Variants in ADCY2 observed in about 807,000 individuals in gnomAD.
ADCY2 encodes adenylate cyclase type 2.
A neutral mutation model predicts 125.2 loss-of-function variants in ADCY2; 31 were observed. That is an observed-to-expected ratio of 0.25 (90% CI 0.19 to 0.33). The LOEUF (loss-of-function observed/expected upper bound fraction) is 0.33. Ranked by LOEUF, ADCY2 falls within the 10% of genes least tolerant of loss-of-function variation. The probability of loss-of-function intolerance (pLI) is 1.00; values close to 1 mark genes in which losing one functional copy is unlikely to be tolerated. For missense variants in ADCY2, 904 were observed against 1,418.2 expected, an observed-to-expected ratio of 0.64 and a Z score of 5.82; for synonymous variants, 512 against 548.4, an observed-to-expected ratio of 0.93 and a Z score of 0.93.
Position 7,614,208 on chromosome 5 carries a change from T to C in ADCY2, c.571-11959T>C, listed in dbSNP as rs146627764. Among the ~76,000 whole-genome samples the C allele has an allele frequency of 3.0e-3, 461 of 152,246 alleles. 1 individual carries two copies. The highest frequency in any genetic ancestry group is 5.6e-3 in the Admixed American group (86 of 15,294). ...AGAAAACAAAATTGTTTGAGTAAAT[T>C]TGTGAAAGGGGGTTATGTTGAAATA... On this transcript the variant is annotated intron_variant, in intron 3 of 24. Coordinates refer to ENST00000338316, the MANE Select transcript of ADCY2 (RefSeq NM_020546.3).
chr5:7,469,720 A>C (rs1347528528), intron 2 of ADCY2, among the ~76,000 whole-genome samples: 1 of 151,866 alleles, frequency 6.6e-6, no homozygotes, highest in Non-Finnish European at 1.5e-5. Flanking sequence ...CATGGGTCAC[A>C]TGAGAAACAT....
intron 2 of ADCY2, among the ~76,000 whole-genome samples, chr5:7,500,555 G>A (rs550699359): frequency 5.3e-5 from 8 of 152,134 alleles, no homozygotes; most frequent in African/African-American, 1.4e-4. Flanking sequence ...GTCTTTCTCC[G>A]TCAAGCACAA....
At chr5:7,622,185 T>C (rs1021252248) in intron 3 of ADCY2, among the ~76,000 whole-genome samples, 2 of 152,226 alleles carry the variant, frequency 1.3e-5, no homozygotes, top group Admixed American at 6.5e-5. Context: ...TGCTTTGATA[T>C]TATTTTTGAA....
intron 4 of ADCY2, among the ~76,000 whole-genome samples, chr5:7,679,767 CA>C (rs1215939079): frequency 6.6e-6 from 1 of 152,192 alleles, no homozygotes; most frequent in Non-Finnish European, 1.5e-5. Context: ...TTTCCATTTG[CA>C]AACAGCTGCA....
At chr5:7,806,408 G>A (rs1744763820) in intron 22 of ADCY2, among the ~76,000 whole-genome samples, 1 of 152,086 alleles carries the variant, frequency 6.6e-6, no homozygotes, top group Non-Finnish European at 1.5e-5. Context: ...CAGGACCTAT[G>A]TGTCTTAGTC....
chr5:7,538,167 T>C (rs1734881431), intron 3 of ADCY2, among the ~76,000 whole-genome samples: 1 of 152,200 alleles, frequency 6.6e-6, no homozygotes, highest in Admixed American at 6.5e-5. Context: ...ATATAAAATA[T>C]TTTTTGTTGA....
At chr5:7,758,580 T>A (rs1743091284) in intron 16 of ADCY2, among the ~76,000 whole-genome samples, 1 of 152,234 alleles carries the variant, frequency 6.6e-6, no homozygotes, top group Non-Finnish European at 1.5e-5. Flanking sequence ...TATATAAAGA[T>A]GTGTCTGGTA....
At chr5:7,817,604 A>T (rs1745157281) in intron 23 of ADCY2, among the ~76,000 whole-genome samples, 2 of 152,126 alleles carry the variant, frequency 1.3e-5, no homozygotes, top group African/African-American at 4.8e-5. Context: ...AGGTGGGAAG[A>T]TCACTTGATT....
intron 18 of ADCY2, among the ~76,000 whole-genome samples, chr5:7,776,542 C>T (rs1363723237): frequency 3.3e-5 from 5 of 152,116 alleles, no homozygotes; most frequent in African/African-American, 7.2e-5. Context: ...AGTGCTCTGA[C>T]GACACTGTGA....
At chr5:7,532,789 A>G (rs987155516) in intron 3 of ADCY2, among the ~76,000 whole-genome samples, 5 of 151,996 alleles carry the variant, frequency 3.3e-5, no homozygotes, top group Admixed American at 1.3e-4. Context: ...ATTCTCCTCA[A>G]TAGGTCATGT....
chr5:7,813,071 C>T (rs181365110), intron 22 of ADCY2, among the ~76,000 whole-genome samples: 25 of 152,326 alleles, frequency 1.6e-4, no homozygotes, highest in Non-Finnish European at 2.1e-4. Context: ...ATTCCATTGG[C>T]AACCCTCTCC....
chr5:7,662,786 T>A (rs746481627), intron 4 of ADCY2, among the ~76,000 whole-genome samples: 10 of 152,150 alleles, frequency 6.6e-5, no homozygotes, highest in Non-Finnish European at 1.5e-4. Context: ...TGAAAGAGAT[T>A]TTCATGAAAG....
intron 4 of ADCY2, among the ~76,000 whole-genome samples, chr5:7,646,207 G>T (rs1738888777): frequency 6.6e-6 from 1 of 151,916 alleles, no homozygotes; most frequent in Non-Finnish European, 1.5e-5. Flanking sequence ...AAATAACACT[G>T]TTAATTAAAA....
intron 2 of ADCY2, among the ~76,000 whole-genome samples, chr5:7,428,088 T>G (rs892987915): frequency 2.6e-5 from 4 of 152,220 alleles, no homozygotes; most frequent in South Asian, 4.1e-4. Context: ...TCTGCTATCA[T>G]GCAGAGGGCA....
intron 2 of ADCY2, 135 bp downstream of exon 2, chr5:7,414,905 A>T (rs1739877902): frequency 1.5e-6 from 1 of 658,212 alleles, no homozygotes; most frequent in African/African-American, 1.8e-5. Context: ...TTCGATTTAT[A>T]TTGCTAAAAT....
chr5:7,512,037 A>G (rs1445290534), intron 2 of ADCY2, among the ~76,000 whole-genome samples: 1 of 151,862 alleles, frequency 6.6e-6, no homozygotes, highest in Admixed American at 6.6e-5. Flanking sequence ...CCTGGACAAC[A>G]TGGTGAAACC....
At chr5:7,665,554 C>T (rs970806404) in intron 4 of ADCY2, among the ~76,000 whole-genome samples, 9 of 152,140 alleles carry the variant, frequency 5.9e-5, no homozygotes, top group African/African-American at 1.4e-4. Context: ...CCTTCATCAT[C>T]GTGCCCCACA....
chr5:7,724,697 T>C, intron 13 of ADCY2, 83 bp downstream of exon 13: 2 of 1,037,614 alleles, frequency 1.9e-6, no homozygotes, highest in Non-Finnish European at 2.9e-6. Flanking sequence ...ATGTTTTTTA[T>C]ATGTGACATT....
At chr5:7,710,629 G>C (rs1741409718) in intron 10 of ADCY2, among the ~76,000 whole-genome samples, 1 of 152,154 alleles carries the variant, frequency 6.6e-6, no homozygotes, top group Non-Finnish European at 1.5e-5. Context: ...AGCTGCTGTG[G>C]CTGGAGCATC....
Sources: gnomAD v4.1 joint callset for allele counts (sites outside exome capture counted in the v4.1 genomes callset) on GRCh38, gnomAD v4.1.1 for gene constraint, MANE v1.5 for transcripts, NCBI Gene and HGNC (gene_info 2026-07-23, HGNC 2026-07-21) for gene names.